Variants in SLC35D2 observed in about 807,000 individuals in gnomAD.
The protein encoded by SLC35D2 is solute carrier family 35 member D2.
SLC35D2 carries 43 observed loss-of-function variants against 41.8 expected under a neutral mutation model. The ratio of observed to expected loss-of-function variants is 1.03; its 90% confidence interval spans 0.81 to 1.33. SLC35D2 has a LOEUF of 1.33. Among genes scored for constraint, SLC35D2 ranks in the 40% most tolerant of loss-of-function variants. The probability of loss-of-function intolerance (pLI) is 0.00; values close to 1 mark genes in which losing one functional copy is unlikely to be tolerated. For synonymous variants in SLC35D2, 150 were observed against 163.9 expected (o/e 0.92, Z 0.65); for missense variants, 380 against 408.4 (o/e 0.93, Z 0.60).
chr9:96,370,020 C>G (rs1274329789), intron 1 of SLC35D2, among the ~76,000 whole-genome samples: 2 of 152,194 alleles, frequency 1.3e-5, no homozygotes, highest in Non-Finnish European at 2.9e-5. Context: ...CTCTTCCACA[C>G]AGAAGCAACC....
At chr9:96,376,294 CAAAAA>C (rs1163220771) in intron 1 of SLC35D2, among the ~76,000 whole-genome samples, 1 of 54,408 alleles carries the variant, frequency 1.8e-5, no homozygotes, top group Non-Finnish European at 3.8e-5. Context: ...GACTCTGTCT[CAAAAA>C]AAAAAAAAAA....
rs1414071147 is a variant in SLC35D2 at position 96,364,680 on chromosome 9, G to GA, written c.193-131dup. On this transcript the variant is annotated intron_variant, in intron 2 of 11. Transcript: ENST00000253270. ...CAAAAAATTCATTTTCTAGGTTCCA[G>GA]AAAAAAATAACTATTTCTTAGAATA... The GA allele has an allele frequency of 2.0e-5, 14 of 689,878 alleles. No individual in the cohort carries two copies. The East Asian group carries it at 3.3e-4, about 16-fold the overall frequency. The allele number at this position is 689,878 out of a possible 1,614,324, so 42.7% of individuals were successfully genotyped here.
chr9:96,366,703 T>G (rs1830487760), intron 2 of SLC35D2, among the ~76,000 whole-genome samples: 1 of 151,142 alleles, frequency 6.6e-6, no homozygotes, highest in Admixed American at 6.6e-5. Context: ...CTCAAACTAC[T>G]GACTTCAAGT....
At chr9:96,368,237 A>T in intron 2 of SLC35D2, 35 bp downstream of exon 2, 1 of 1,544,552 alleles carries the variant, frequency 6.5e-7, no homozygotes, top group Non-Finnish European at 8.9e-7. Context: ...TACTGATAAC[A>T]AAATAAGAGG....
intron 8 of SLC35D2, among the ~76,000 whole-genome samples, chr9:96,341,919 T>C (rs548511454): frequency 6.9e-6 from 1 of 145,664 alleles, no homozygotes; most frequent in African/African-American, 2.6e-5. Flanking sequence ...ATTTAGGAGT[T>C]TCTAGATTTA....
At chr9:96,316,145 C>G (rs1308059807), downstream of SLC35D2, among the ~76,000 whole-genome samples, 1 of 152,130 alleles carries the variant, frequency 6.6e-6, no homozygotes, top group Non-Finnish European at 1.5e-5. Flanking sequence ...CTTTCCCTAG[C>G]TGTGTGCACC....
In SLC35D2 at chr9:96,325,981, T is replaced by C. The variant is rs184843139; in HGVS notation, c.753-1812A>G. ...AAGCTTTACAAGTTGAAGAATAAAC[T>C]TAACTTCAAACTTAAATTTTGTAAT... On this transcript the variant is annotated intron_variant, in intron 9 of 11. Transcript: ENST00000253270. 5.8e-3 allele frequency among the ~76,000 whole-genome samples: 883 copies of C among 152,272 alleles called. 17 individuals are homozygous for C. Among genetic ancestry groups the C allele is most frequent in the Non-Finnish European group, 8.1e-3 (549 of 68,020 alleles).
At chr9:96,344,509 T>TA (rs35407925) in intron 7 of SLC35D2, among the ~76,000 whole-genome samples, 110 of 9,968 alleles carry the variant, frequency 0.011, 1 homozygote, top group Admixed American at 0.018. Context: ...CTTCTACCGT[T>TA]AAAAAAAAAA....
At chr9:96,367,639 G>A (rs1830527478) in intron 2 of SLC35D2, among the ~76,000 whole-genome samples, 2 of 152,038 alleles carry the variant, frequency 1.3e-5, no homozygotes, top group South Asian at 4.1e-4. Context: ...AAAAATAGCT[G>A]GCCATGGTGG....
At chr9:96,371,490 A>AAAAAAAAAAAAAG (rs1830679230) in intron 1 of SLC35D2, among the ~76,000 whole-genome samples, 1 of 146,462 alleles carries the variant, frequency 6.8e-6, no homozygotes, top group African/African-American at 2.5e-5. Flanking sequence ...AAAAAAAAAA[A>AAAAAAAAAAAAAG]AAAAAAAAAA....
rs369560395 is a variant in SLC35D2, at chr9:96,321,297, T to A, written c.959A>T (p.Gln320Leu). The change falls in exon 12 of 12, where the codon CAG becomes CTG. Residue 320 changes from glutamine (Q) to leucine (L), a missense_variant. Physicochemically the swap from Gln to Leu is moderately radical, Grantham distance 113. Transcript: ENST00000253270. The part of the protein sequence containing the change: ...LRYSFLTLSS[Q>L]LKPKPVGEEN... ...TTCACCCACAGGTTTAGGTTTTAAC[T>A]GGCTGCTCAGTGTTAAAAAGGAATA... 1 of 1,614,076 alleles carries A rather than the reference T, an allele frequency of 6.2e-7. No individual in the cohort carries two copies. The highest frequency in any genetic ancestry group is 8.5e-7 in the Non-Finnish European group (1 of 1,179,962).
chr9:96,345,286 C>G lies in SLC35D2; in HGVS notation c.591+13G>C, dbSNP rs371206486. On this transcript the variant is annotated intron_variant, in intron 7 of 11. Coordinates refer to ENST00000253270, the MANE Select transcript of SLC35D2 (RefSeq NM_007001.3). The stretch of plus-strand genomic sequence containing the variant: ...GATGACAGAGCCAAAAAGCCATAGG[C>G]AAGGTCTGGTACCTTTGGGTCCATT... 1 of 1,483,986 alleles carries G rather than the reference C, an allele frequency of 6.7e-7. No homozygotes were observed. The highest frequency in any genetic ancestry group is 9.3e-7 in the Non-Finnish European group (1 of 1,074,768). 91.9% of individuals were successfully genotyped at this position (1,483,986 alleles called of 1,614,324 possible).
intron 4 of SLC35D2, among the ~76,000 whole-genome samples, chr9:96,353,355 AT>A (rs1017536203): frequency 2.0e-5 from 3 of 151,654 alleles, no homozygotes; most frequent in African/African-American, 7.3e-5. Context: ...TTATTTATTT[AT>A]TTATTTATTT....
intron 1 of SLC35D2, among the ~76,000 whole-genome samples, chr9:96,378,469 T>C (rs76829695): frequency 0.025 from 3,855 of 152,074 alleles, 71 homozygotes; most frequent in Middle Eastern, 0.055. Flanking sequence ...CTCAAAGCCT[T>C]TGGATGCATA....
intron 6 of SLC35D2, among the ~76,000 whole-genome samples, chr9:96,349,817 G>A (rs1829736828): frequency 6.6e-6 from 1 of 152,118 alleles, no homozygotes; most frequent in Non-Finnish European, 1.5e-5. Context: ...GAGCCACCAC[G>A]CCCGGCCTGT....
chr9:96,337,013 C>T (rs1334303797), intron 8 of SLC35D2, among the ~76,000 whole-genome samples: 2 of 152,158 alleles, frequency 1.3e-5, no homozygotes, highest in Non-Finnish European at 2.9e-5. Flanking sequence ...GGAAAGCCTT[C>T]CTCAAAACGT....
rs1410335084 is a variant in SLC35D2, at chr9:96,383,608, G to A, written c.27C>T (p.Ala9=). 1 of 1,218,452 alleles carries A rather than the reference G, an allele frequency of 8.2e-7. No individual in the cohort carries two copies. The highest frequency in any genetic ancestry group is 4.5e-5 in the Admixed American group (1 of 22,278). The allele number at this position is 1,218,452 out of a possible 1,614,324, so 75.5% of individuals were successfully genotyped here. A position where few individuals can be genotyped will look rare whatever the true frequency, so the allele number is the denominator to read the frequency against. ...CGCCGGGCTCCCCGCCAGCGCCCTC[G>A]GCCTCGGCCTGGCCGCCGGCCGTCA... is the stretch of plus-strand genomic sequence containing the variant. MTAGGQAE[A]EGAGGEPGAA... The change falls in exon 1 of 12, where the codon GCC becomes GCT. Residue 9 remains alanine (A), a synonymous_variant. Coordinates refer to ENST00000253270, the MANE Select transcript of SLC35D2 (RefSeq NM_007001.3).
chr9:96,360,249 T>C lies in SLC35D2; in HGVS notation c.280-28A>G, dbSNP rs538394523. 614 of 1,560,728 alleles carry C rather than the reference T, an allele frequency of 3.9e-4. 9 individuals carry two copies. The South Asian group carries it at 6.7e-3, about 17-fold the overall frequency. On this transcript the variant is annotated intron_variant, in intron 3 of 11. Transcript: ENST00000253270. ...TCCATTAAAAAAAAAAGAAGAAATA[T>C]TTGGTTAGAACTCCAATAAGCATTT...
intron 9 of SLC35D2, among the ~76,000 whole-genome samples, chr9:96,334,403 C>T (rs1045003750): frequency 1.6e-4 from 24 of 152,088 alleles, no homozygotes; most frequent in African/African-American, 5.8e-4. Flanking sequence ...TTTGGGAGGC[C>T]GAGGCAGGTG....
Sources: allele counts gnomAD v4.1 joint callset (sites outside exome capture counted in the v4.1 genomes callset), GRCh38; gene constraint gnomAD v4.1.1; transcripts MANE v1.5; gene names NCBI Gene and HGNC (gene_info 2026-07-23, HGNC 2026-07-21).